FUT8: variants seen among roughly 807,000 people sequenced by gnomAD.
FUT8 encodes the protein alpha-(1,6)-fucosyltransferase.
FUT8 carries 29 observed loss-of-function variants against 71.3 expected under a neutral mutation model. The observed-to-expected ratio is 0.41, with a 90% confidence interval of 0.30 to 0.55. The LOEUF (loss-of-function observed/expected upper bound fraction) is 0.55. Ranked by LOEUF, FUT8 falls within the 20% of genes least tolerant of loss-of-function variation. The pLI is 0.34. For synonymous variants in FUT8, 254 were observed against 239.3 expected, an observed-to-expected ratio of 1.06 and a Z score of -0.57; for missense variants, 544 against 702.1, an observed-to-expected ratio of 0.77 and a Z score of 2.55.
chr14:65,420,443 A>G lies in FUT8; in HGVS notation c.-326+7229A>G, dbSNP rs1283846371. ...GAACACATCCTCTATATGACTGTCT[A>G]CAGAGGCTTAGAGTAGTACAGAAGT... On this transcript the variant is annotated intron_variant, in intron 1 of 10. Coordinates refer to ENST00000673929, the MANE Select transcript of FUT8 (RefSeq NM_001371533.1). Among the ~76,000 whole-genome samples, 3 of 152,108 alleles carry G rather than the reference A, an allele frequency of 2.0e-5. No homozygotes were observed. The East Asian group carries it at 5.8e-4, about 29-fold the overall frequency.
chr14:65,394,848 C>T, the FUT8 span, among the ~76,000 whole-genome samples: 11 of 149,548 alleles, frequency 7.4e-5, no homozygotes, highest in South Asian at 6.4e-4. Context: ...CAGGTTCAAG[C>T]GATTCTTCTG....
chr14:65,430,534 AATAG>A (rs2065457320), intron 1 of FUT8, among the ~76,000 whole-genome samples: 1 of 152,170 alleles, frequency 6.6e-6, no homozygotes. Context: ...TTTTAGTCAT[AATAG>A]TAAATGAGCA....
intron 6 of FUT8, among the ~76,000 whole-genome samples, chr14:65,665,318 T>C (rs1892157281): frequency 6.6e-6 from 1 of 152,192 alleles, no homozygotes; most frequent in African/African-American, 2.4e-5. Context: ...CTCAGAATGC[T>C]GAAATGCTGC....
intron 1 of FUT8, among the ~76,000 whole-genome samples, chr14:65,434,325 T>G (rs970606367): frequency 2.0e-5 from 3 of 152,236 alleles, no homozygotes; most frequent in African/African-American, 7.2e-5. Flanking sequence ...TTAGAAAGCT[T>G]CTTTCATGGC....
intron 2 of FUT8, among the ~76,000 whole-genome samples, chr14:65,551,707 A>G (rs1885295806): frequency 6.6e-6 from 1 of 152,196 alleles, no homozygotes; most frequent in African/African-American, 2.4e-5. Context: ...TTGTATGTAA[A>G]ACATGTTTAA....
the FUT8 span, among the ~76,000 whole-genome samples, chr14:65,378,970 C>T: frequency 6.6e-6 from 1 of 150,742 alleles, no homozygotes; most frequent in African/African-American, 2.4e-5. Flanking sequence ...TCTCAGCCTC[C>T]CTAGTAGCTG....
intron 3 of FUT8, among the ~76,000 whole-genome samples, chr14:65,591,635 A>G (rs999564593): frequency 7.9e-5 from 12 of 151,998 alleles, no homozygotes; most frequent in African/African-American, 2.7e-4. Context: ...ACAGATAATC[A>G]TTTTTTTCAT....
intron 2 of FUT8, among the ~76,000 whole-genome samples, chr14:65,504,980 G>A (rs1371306379): frequency 1.3e-5 from 2 of 152,158 alleles, no homozygotes; most frequent in East Asian, 3.9e-4. Context: ...CCAACACACT[G>A]TATTAATTAT....
At chr14:65,387,307 C>G in the FUT8 span, among the ~76,000 whole-genome samples, 1 of 152,196 alleles carries the variant, frequency 6.6e-6, no homozygotes, top group Non-Finnish European at 1.5e-5. Flanking sequence ...TTTCTGAATC[C>G]TCAACCTGAT....
rs8012979 is a variant in FUT8 at position 65,431,120 on chromosome 14, G to A, written c.-326+17906G>A. Reference sequence around the variant, plus strand: ...AAATGATTCTCCTGCCTCAGCCTCCGGAGTAGCTGGGATTACAGGCATGCG... The same window carrying A: ...AAATGATTCTCCTGCCTCAGCCTCCAGAGTAGCTGGGATTACAGGCATGCG... On this transcript the variant is annotated intron_variant, in intron 1 of 10. Transcript: ENST00000673929. Among the ~76,000 whole-genome samples, 9 of 149,670 alleles carry A rather than the reference G, an allele frequency of 6.0e-5. No individual in the cohort carries two copies. In the South Asian group the frequency reaches 1.3e-3, roughly 21 times the overall value.
chr14:65,465,651 T>A (rs576144089), intron 2 of FUT8, among the ~76,000 whole-genome samples: 75 of 152,362 alleles, frequency 4.9e-4, no homozygotes, highest in Non-Finnish European at 9.8e-4. Flanking sequence ...GTGTGTCTAT[T>A]TGTATGGTGT....
chr14:65,417,818 C>T (rs191776618), intron 1 of FUT8, among the ~76,000 whole-genome samples: 1 of 152,264 alleles, frequency 6.6e-6, no homozygotes, highest in East Asian at 1.9e-4. Context: ...ATAACTTCTT[C>T]CTCGAAGCAC....
intron 1 of FUT8, among the ~76,000 whole-genome samples, chr14:65,448,558 G>A (rs1324610000): frequency 1.3e-5 from 2 of 152,164 alleles, no homozygotes; most frequent in Non-Finnish European, 2.9e-5. Flanking sequence ...ATATTGGTGA[G>A]TAGAAACTAT....
intron 1 of FUT8, among the ~76,000 whole-genome samples, chr14:65,436,379 C>T (rs1220179790): frequency 6.6e-6 from 1 of 152,094 alleles, no homozygotes; most frequent in Non-Finnish European, 1.5e-5. Context: ...ACGTGTAATC[C>T]CAGCACTTTG....
chr14:65,578,366 T>C (rs1886903125), intron 3 of FUT8, among the ~76,000 whole-genome samples: 1 of 152,216 alleles, frequency 6.6e-6, no homozygotes, highest in African/African-American at 2.4e-5. Context: ...TACCCTGGGC[T>C]ATTTCTTACG....
chr14:65,521,316 A>G (rs1953415), intron 2 of FUT8, among the ~76,000 whole-genome samples: 105,767 of 152,088 alleles, frequency 0.7, 37,084 homozygotes, highest in East Asian at 0.9. Context: ...GTTACATAAA[A>G]ATGTATGAGT....
chr14:65,639,524 A>T (rs766688332), intron 6 of FUT8, among the ~76,000 whole-genome samples: 161 of 152,060 alleles, frequency 1.1e-3, no homozygotes, highest in Admixed American at 2.7e-3. Flanking sequence ...ACACACACAC[A>T]CACACACACA....
rs34129010 is a variant in FUT8, at chr14:65,595,602, C to CTTTTTT, written c.204-20357_204-20352dup. On this transcript the variant is annotated intron_variant, in intron 3 of 10. Transcript: ENST00000673929. ...GACGATTTATCTTCTACACCATTCT[C>CTTTTTT]TTTTTTTTTTTTTTTTTTTTTTTTG... Among the ~76,000 whole-genome samples, 289 of 81,754 alleles carry CTTTTTT rather than the reference C, an allele frequency of 3.5e-3. 5 individuals are homozygous for CTTTTTT. Among genetic ancestry groups the CTTTTTT allele is most frequent in the Non-Finnish European group, 4.5e-3 (201 of 44,718 alleles). 53.6% of individuals were successfully genotyped at this position (81,754 alleles called of 152,430 possible).
intron 7 of FUT8, among the ~76,000 whole-genome samples, chr14:65,677,969 C>T (rs889647450): frequency 2.0e-5 from 3 of 152,286 alleles, no homozygotes; most frequent in Non-Finnish European, 2.9e-5. Flanking sequence ...TTTACCAGGA[C>T]AGATCAGTGT....
Sources: allele counts gnomAD v4.1 joint callset (sites outside exome capture counted in the v4.1 genomes callset), GRCh38; gene constraint gnomAD v4.1.1; transcripts MANE v1.5; gene names NCBI Gene and HGNC (gene_info 2026-07-23, HGNC 2026-07-21).